Variants in GIPC1 observed in about 807,000 individuals in gnomAD.
GIPC1 encodes PDZ domain-containing protein GIPC1.
A neutral mutation model predicts 28.5 loss-of-function variants in GIPC1; 15 were observed. The observed-to-expected ratio is 0.53, with a 90% CI of 0.35 to 0.81. The LOEUF (loss-of-function observed/expected upper bound fraction) is 0.81. Ranked by LOEUF, GIPC1 falls within the 30% of genes least tolerant of loss-of-function variation. The pLI, the probability that GIPC1 is intolerant of heterozygous loss-of-function variation, is 0.01. For synonymous variants in GIPC1, 224 were observed against 206.1 expected (o/e 1.09, Z -0.74); for missense variants, 439 against 481.9 (o/e 0.91, Z 0.83).
Position 14,482,821 on chromosome 19 carries a change from T to TG in GIPC1, c.155dup (p.Ala53SerfsTer130), listed in dbSNP as rs1211374726. ...GGAACACGAGGCGGGGCCGCAGGGC[T>TG]GGGGGAGGGGGGGGCAAGCCCATTT... On this transcript the variant is annotated frameshift_variant, in exon 4 of 9. Coordinates refer to ENST00000393033, the MANE Select transcript of GIPC1 (RefSeq NM_005716.4). LOFTEE classifies it high-confidence loss of function. 4 of 1,565,562 alleles carry TG rather than the reference T, an allele frequency of 2.6e-6. No homozygotes were observed. Among genetic ancestry groups the TG allele is most frequent in the Admixed American group, 1.8e-5 (1 of 55,200 alleles).
At chr19:14,479,129 G>A (rs116296487) in intron 7 of GIPC1, among the ~76,000 whole-genome samples, 14 of 152,188 alleles carry the variant, frequency 9.2e-5, no homozygotes, top group Admixed American at 9.2e-4. Flanking sequence ...TGGATCACCT[G>A]ATGTCAGGAG....
intron 3 of GIPC1, among the ~76,000 whole-genome samples, chr19:14,489,077 A>G (rs2071907620): frequency 6.6e-6 from 1 of 151,844 alleles, no homozygotes; most frequent in South Asian, 2.1e-4. Flanking sequence ...AGGTGTTCAC[A>G]GCCATGCCCA....
intron 1 of GIPC1, among the ~76,000 whole-genome samples, chr19:14,495,790 G>A (rs1277123556): frequency 6.6e-6 from 1 of 152,036 alleles, no homozygotes; most frequent in Non-Finnish European, 1.5e-5. Context: ...GGAGGGGCAA[G>A]CCCAGAAACC....
rs1178941370 is a variant in GIPC1, at chr19:14,491,712, GACT to G, written c.-90_-88del. 6.6e-6 allele frequency: 1 copy of G among 152,308 alleles called. No individual in the cohort carries two copies. Among genetic ancestry groups the G allele is most frequent in the African/African-American group, 2.4e-5 (1 of 41,390 alleles). The allele number at this position is 152,308 out of a possible 1,614,324, so 9.4% of individuals were successfully genotyped here. A position where few individuals can be genotyped will look rare whatever the true frequency, so the allele number is the denominator to read the frequency against. On this transcript the variant is annotated 5_prime_UTR_variant, in exon 3 of 9. Transcript: ENST00000393033. ...CCCAGCTTCCACCCTCACCCCCTAC[GACT>G]TCTTGTCCAGACAGCAGCCAGAATG...
At position 14,480,357 on chromosome 19, in the gene GIPC1, C is replaced by T; in HGVS notation, c.603G>A (p.Leu201=). The T allele has an allele frequency of 6.2e-7, 1 of 1,612,174 alleles. No individual in the cohort carries two copies. Among genetic ancestry groups the T allele is most frequent in the Non-Finnish European group, 8.5e-7 (1 of 1,179,900 alleles). Residue 201 remains leucine, a synonymous_variant, in exon 6 of 9, where the codon CTG becomes CTA. Transcript: ENST00000393033. ...HYEVARLLKE[L]PRGRTFTLKL... ...TCAGCGTGAAGGTACGGCCTCGGGG[C>T]AGCTCCTTGAGCAGCCGGGCCACCT...
At position 14,478,846 on chromosome 19, in the gene GIPC1, C is replaced by G; in HGVS notation, c.769-81G>C. On this transcript the variant is annotated intron_variant, in intron 7 of 8. Transcript: ENST00000393033. This position sits in a 1 kb window ranked among gnomAD's most constrained non-coding sequence, Gnocchi z 5.2. ...ATTGGACGGACTGCCATTGTCACCACTTTACATATATTCGTATTTAGACCT... is the reference window on the plus strand; with the variant it reads ...ATTGGACGGACTGCCATTGTCACCAGTTTACATATATTCGTATTTAGACCT... 1 of 1,029,116 alleles carries G rather than the reference C, an allele frequency of 9.7e-7. No homozygotes were observed. The allele number at this position is 1,029,116 out of a possible 1,614,324, so 63.7% of individuals were successfully genotyped here. A position where few individuals can be genotyped will look rare whatever the true frequency, so the allele number is the denominator to read the frequency against.
At position 14,480,787 on chromosome 19, in the gene GIPC1, G is replaced by T. The variant is rs769275053; in HGVS notation, c.289-9C>A. 4 of 1,599,598 alleles carry T rather than the reference G, an allele frequency of 2.5e-6. No homozygotes were observed. The highest frequency in any genetic ancestry group is 3.4e-6 in the Non-Finnish European group (4 of 1,169,172). On this transcript the variant is annotated splice_polypyrimidine_tract_variant and intron_variant, in intron 4 of 8. Transcript: ENST00000393033. The stretch of plus-strand genomic sequence containing the variant: ...AGGGTGCAGAACATCACCTGCAGGG[G>T]TGGGAGACGCTGAAACCTCTTCCCC...
At chr19:14,488,060 C>T (rs1416146809) in intron 3 of GIPC1, among the ~76,000 whole-genome samples, 2 of 152,074 alleles carry the variant, frequency 1.3e-5, no homozygotes, top group East Asian at 1.9e-4. Flanking sequence ...TCTCTGAGCA[C>T]GTGAAGCTGA....
intron 2 of GIPC1, among the ~76,000 whole-genome samples, chr19:14,492,075 AG>A (rs568530622): frequency 9.2e-4 from 140 of 152,116 alleles, no homozygotes; most frequent in African/African-American, 3.3e-3. Context: ...CTCAAAAAAA[AG>A]AAAAAAGAAA....
chr19:14,487,943 C>A (rs960130745), intron 3 of GIPC1, among the ~76,000 whole-genome samples: 2 of 151,914 alleles, frequency 1.3e-5, no homozygotes, highest in African/African-American at 4.8e-5. Context: ...GGACTCCTAA[C>A]GAGCTGGGAT....
intron 4 of GIPC1, chr19:14,482,401 C>A: frequency 7.4e-6 from 4 of 540,312 alleles, no homozygotes; most frequent in South Asian, 2.1e-5. Context: ...AGCATGCAGC[C>A]CTGGCCATCA....
rs1337597868 is a variant in GIPC1, at chr19:14,496,039, G to GCTC, written c.-180_-178dup. ...TCCTTCTCGCAGAGGCCACTCACCT[G>GCTC]CTCCGCCGCCGCCGCCGCCGCCGCC... On this transcript the variant is annotated 5_prime_UTR_variant, in exon 1 of 9. Coordinates refer to ENST00000393033, the MANE Select transcript of GIPC1 (RefSeq NM_005716.4). 4.7e-5 allele frequency: 9 copies of GCTC among 193,438 alleles called. No individual in the cohort carries two copies. Among genetic ancestry groups the GCTC allele is most frequent in the African/African-American group, 2.0e-4 (5 of 24,508 alleles). 12.0% of individuals were successfully genotyped at this position (193,438 alleles called of 1,614,324 possible).
rs1568371792 is a variant in GIPC1, at chr19:14,496,076, T to TCCGCCTCC, written c.-215_-214insGGAGGCGG. The TCCGCCTCC allele has an allele frequency of 9.8e-6, 2 of 203,588 alleles. No individual in the cohort carries two copies. Among genetic ancestry groups the TCCGCCTCC allele is most frequent in the African/African-American group, 3.0e-5 (1 of 33,426 alleles). 12.6% of individuals were successfully genotyped at this position (203,588 alleles called of 1,614,324 possible). On this transcript the variant is annotated 5_prime_UTR_variant, in exon 1 of 9. Coordinates refer to ENST00000393033, the MANE Select transcript of GIPC1 (RefSeq NM_005716.4). ...CCGCCGCCGCCGCCGCCGCCGCCGC[T>TCCGCCTCC]GCCTCCGCCTCCCCGTGCGCACCCG...
rs2071711211 is a variant in GIPC1 at position 14,480,728 on chromosome 19, C to T, written c.339G>A (p.Leu113=). The T allele has an allele frequency of 1.9e-6, 3 of 1,614,054 alleles. No individual in the cohort carries two copies. Among genetic ancestry groups the T allele is most frequent in the Admixed American group, 1.7e-5 (1 of 60,004 alleles). ...NTHKVDMDKL[L]GGQIGLEDFI... is the part of the protein sequence containing the mutation. Reference sequence around the variant, plus strand: ...AGTCCTCCAGCCCGATCTGGCCCCCCAGGAGCTTGTCCATGTCCACTTTGT... The same window carrying T: ...AGTCCTCCAGCCCGATCTGGCCCCCTAGGAGCTTGTCCATGTCCACTTTGT... The change falls in exon 5 of 9, where the codon CTG becomes CTA. Residue 113 remains leucine, a synonymous_variant. Transcript: ENST00000393033.
intron 4 of GIPC1, 159 bp from the exon 5 acceptor site, chr19:14,480,937 A>G (rs1249178893): frequency 4.9e-6 from 3 of 607,702 alleles, no homozygotes; most frequent in Admixed American, 6.1e-5. Flanking sequence ...CAGGGCCCAC[A>G]TTAGCGTGTC....
chr19:14,490,720 T>C (rs1329864381), intron 3 of GIPC1, among the ~76,000 whole-genome samples: 2 of 151,946 alleles, frequency 1.3e-5, no homozygotes, highest in Non-Finnish European at 2.9e-5. Flanking sequence ...ACGCCTGTAA[T>C]CCCAGCACTT....
chr19:14,495,579 G>C (rs1384857848), intron 1 of GIPC1, among the ~76,000 whole-genome samples: 1 of 152,084 alleles, frequency 6.6e-6, no homozygotes, highest in African/African-American at 2.4e-5. Context: ...TGCCTGACAC[G>C]GAAGCTCTCC....
intron 3 of GIPC1, among the ~76,000 whole-genome samples, chr19:14,485,441 A>G (rs1344871602): frequency 6.6e-6 from 1 of 151,542 alleles, no homozygotes; most frequent in Non-Finnish European, 1.5e-5. Flanking sequence ...ACTTGAGGTC[A>G]GGAGTTCGAG....
In GIPC1 at chr19:14,482,947, C is replaced by CT; in HGVS notation, c.29dup (p.Ala11GlyfsTer8). On this transcript the variant is annotated frameshift_variant, in exon 4 of 9. Transcript: ENST00000393033. LOFTEE classifies it high-confidence loss of function. ...CCTCATTTTCCACTAGAGGGGGCGC[C>CT]TTTTTCCGCCGCCCCAGTCCCAGCG... 1 of 1,611,608 alleles carries CT rather than the reference C, an allele frequency of 6.2e-7. No homozygotes were observed. Among genetic ancestry groups the CT allele is most frequent in the Non-Finnish European group, 8.5e-7 (1 of 1,179,630 alleles).
Sources: gnomAD v4.1 joint callset for allele counts (sites outside exome capture counted in the v4.1 genomes callset) on GRCh38, gnomAD v4.1.1 for gene constraint, Gnocchi (gnomAD v3.1) non-coding constraint, MANE v1.5 for transcripts, NCBI Gene and HGNC (gene_info 2026-07-23, HGNC 2026-07-21) for gene names.